Variants in ARHGEF37 observed in about 807,000 individuals in gnomAD.
ARHGEF37 encodes Rho guanine nucleotide exchange factor 37.
In ARHGEF37, 55 loss-of-function variants were observed where a neutral mutation model predicts 71.1. The observed-to-expected ratio is 0.77, with a 90% CI of 0.62 to 0.97. The LOEUF is 0.97. ARHGEF37 is among the 50% of genes least tolerant of loss of function. ARHGEF37 has a pLI of 0.00. For synonymous variants in ARHGEF37, 327 were observed against 350.6 expected (o/e 0.93, Z 0.75); for missense variants, 765 against 836.8 (o/e 0.91, Z 1.06).
chr5:149,565,834 T>TTTTTTTTG (rs1762890559), intron 1 of ARHGEF37, among the ~76,000 whole-genome samples: 1 of 46,484 alleles, frequency 2.2e-5, no homozygotes. Flanking sequence ...CTCTAATTTT[T>TTTTTTTTG]TTTTTTTTTT....
chr5:149,608,865 C>T (rs1763990672), intron 3 of ARHGEF37, among the ~76,000 whole-genome samples: 1 of 152,062 alleles, frequency 6.6e-6, no homozygotes, highest in African/African-American at 2.4e-5. Context: ...GTTGTGCTTG[C>T]CACACATTTT....
chr5:149,572,150 A>G (rs1210243253), intron 1 of ARHGEF37, among the ~76,000 whole-genome samples: 1 of 152,186 alleles, frequency 6.6e-6, no homozygotes, highest in Non-Finnish European at 1.5e-5. Context: ...AACCACCTTT[A>G]TATGGTCAAT....
chr5:149,593,983 G>A (rs955368541), intron 1 of ARHGEF37, among the ~76,000 whole-genome samples: 5 of 152,092 alleles, frequency 3.3e-5, no homozygotes, highest in Non-Finnish European at 5.9e-5. Context: ...ACAATTATTA[G>A]TTTATTTTTC....
intron 3 of ARHGEF37, among the ~76,000 whole-genome samples, chr5:149,601,959 A>C (rs914904466): frequency 6.6e-6 from 1 of 152,212 alleles, no homozygotes; most frequent in Non-Finnish European, 1.5e-5. Flanking sequence ...TTTATAGGTC[A>C]TGGCAAGGAG....
chr5:149,598,263 C>CTCCTTCTTCT (rs71587782), intron 2 of ARHGEF37, among the ~76,000 whole-genome samples: 16 of 67,692 alleles, frequency 2.4e-4, no homozygotes, highest in Non-Finnish European at 3.5e-4. Flanking sequence ...CTTAAACTGA[C>CTCCTTCTTCT]TCTTCTTCTT....
intron 4 of ARHGEF37, among the ~76,000 whole-genome samples, chr5:149,614,101 G>T (rs1752302843): frequency 6.8e-6 from 1 of 147,626 alleles, no homozygotes; most frequent in African/African-American, 2.5e-5. Flanking sequence ...TTCTTTCCTG[G>T]ACTGTTCTTA....
At chr5:149,620,767 G>A (rs1459448444) in intron 8 of ARHGEF37, among the ~76,000 whole-genome samples, 1 of 149,662 alleles carries the variant, frequency 6.7e-6, no homozygotes, top group African/African-American at 2.5e-5. Context: ...GGAGGCAGAG[G>A]TTGCAGTGAG....
chr5:149,626,987 C>T (rs912147340), intron 10 of ARHGEF37, 89 bp from the exon 11 acceptor site: 2 of 1,403,236 alleles, frequency 1.4e-6, no homozygotes, highest in Admixed American at 2.0e-5. Flanking sequence ...GCCCAGTACT[C>T]CTGGCTGTCA....
chr5:149,598,459 C>T (rs1304318228), intron 2 of ARHGEF37, among the ~76,000 whole-genome samples: 1 of 136,682 alleles, frequency 7.3e-6, no homozygotes, highest in African/African-American at 2.5e-5. Context: ...CTTTCTTCTT[C>T]CTCTTCTTTC....
At chr5:149,559,494 A>G (rs770857694) in intron 1 of ARHGEF37, among the ~76,000 whole-genome samples, 3 of 152,208 alleles carry the variant, frequency 2.0e-5, no homozygotes, top group Non-Finnish European at 4.4e-5. Context: ...CATCTAACCA[A>G]TCCTCGTTGA....
intron 12 of ARHGEF37, 45 bp downstream of exon 12, chr5:149,629,011 C>G (rs201148337): frequency 6.3e-7 from 1 of 1,575,290 alleles, no homozygotes; most frequent in Admixed American, 1.8e-5. Flanking sequence ...ATCGGCCATC[C>G]GGACTGTGGC....
In ARHGEF37 at chr5:149,601,205, A is replaced by C. The variant is rs900546465; in HGVS notation, c.284A>C (p.Lys95Thr). 6 of 1,612,808 alleles carry C rather than the reference A, an allele frequency of 3.7e-6. No individual in the cohort carries two copies. Among genetic ancestry groups the C allele is most frequent in the East Asian group, 4.5e-5 (2 of 44,862 alleles). Reference sequence around the variant, plus strand: ...CATGATCTGCAGGAGACAGCCTCCAAGGAAGAGGAACAAGTGCAGCTAGTT... The same window carrying C: ...CATGATCTGCAGGAGACAGCCTCCACGGAAGAGGAACAAGTGCAGCTAGTT... ...FLHDLQETAS[K>T]EEEQVQLVGN... is the part of the protein sequence containing the mutation. Residue 95 changes from lysine to threonine, a missense_variant, in exon 3 of 13, where the codon AAG becomes ACG. Physicochemically the swap from Lys to Thr is moderately conservative, Grantham distance 78. Transcript: ENST00000333677.
intron 8 of ARHGEF37, 92 bp downstream of exon 8, chr5:149,620,556 G>A (rs1465526744): frequency 1.7e-5 from 17 of 1,026,468 alleles, no homozygotes; most frequent in Admixed American, 2.7e-5. Context: ...TTGGCCAGGC[G>A]TGGTGGCTCA....
intron 10 of ARHGEF37, 87 bp from the exon 11 acceptor site, chr5:149,626,989 T>G: frequency 7.1e-7 from 1 of 1,414,508 alleles, no homozygotes; most frequent in Non-Finnish European, 9.7e-7. Flanking sequence ...CCAGTACTCC[T>G]GGCTGTCAAA....
At chr5:149,573,117 ATCCAT>A (rs1762988331) in intron 1 of ARHGEF37, among the ~76,000 whole-genome samples, 1 of 152,140 alleles carries the variant, frequency 6.6e-6, no homozygotes, top group African/African-American at 2.4e-5. Flanking sequence ...ACAGGAACTA[ATCCAT>A]TCCTGCAAGA....
At chr5:149,616,870 T>C (rs185174613) in intron 5 of ARHGEF37, 104 bp downstream of exon 5, 123 of 1,212,548 alleles carry the variant, frequency 1.0e-4, no homozygotes, top group Non-Finnish European at 1.4e-4. Flanking sequence ...TAGTGGCTTA[T>C]GTAACTATAA....
intron 3 of ARHGEF37, among the ~76,000 whole-genome samples, chr5:149,602,486 G>A (rs1763784509): frequency 7.3e-6 from 1 of 136,220 alleles, no homozygotes; most frequent in Non-Finnish European, 1.6e-5. Flanking sequence ...AGTCTCCTTT[G>A]GTTTAATTTT....
chr5:149,620,195 A>C (rs1752497728), intron 7 of ARHGEF37, among the ~76,000 whole-genome samples, 159 bp from the exon 8 acceptor site: 1 of 152,206 alleles, frequency 6.6e-6, no homozygotes, highest in African/African-American at 2.4e-5. Flanking sequence ...CTTTCTAATC[A>C]CTTAAGCTGT....
intron 1 of ARHGEF37, among the ~76,000 whole-genome samples, chr5:149,568,214 A>G (rs776174795): frequency 9.9e-5 from 15 of 151,974 alleles, no homozygotes; most frequent in Non-Finnish European, 2.2e-4. Context: ...TTTTGTAGAG[A>G]CAGGGTTTCG....
Sources: allele counts gnomAD v4.1 joint callset (sites outside exome capture counted in the v4.1 genomes callset), GRCh38; gene constraint gnomAD v4.1.1; transcripts MANE v1.5; gene names NCBI Gene and HGNC (gene_info 2026-07-23, HGNC 2026-07-21).